Variants in MB21D2 observed in about 807,000 individuals in gnomAD.
MB21D2 encodes the protein nucleotidyltransferase MB21D2.
A neutral mutation model predicts 33.3 loss-of-function variants in MB21D2; 9 were observed. That is an observed-to-expected ratio of 0.27 (90% CI 0.16 to 0.47). The LOEUF is 0.47. Among genes scored for constraint, MB21D2 ranks in the 20% least tolerant of loss-of-function variants. The pLI is 0.99. For missense variants in MB21D2, 540 were observed against 624.6 expected, an observed-to-expected ratio of 0.86 and a Z score of 1.44; for synonymous variants, 241 against 236.3, an observed-to-expected ratio of 1.02 and a Z score of -0.18.
chr3:192,893,926 C>A (rs1713910241), intron 1 of MB21D2, among the ~76,000 whole-genome samples: 1 of 152,112 alleles, frequency 6.6e-6, no homozygotes, highest in South Asian at 2.1e-4. Context: ...GTCCCAGCTA[C>A]TGTGGAGGCT....
At chr3:192,814,667 C>G (rs1174921137) in intron 1 of MB21D2, among the ~76,000 whole-genome samples, 1 of 151,876 alleles carries the variant, frequency 6.6e-6, no homozygotes, top group African/African-American at 2.4e-5. Context: ...TCGAGACCAT[C>G]CTGGCTAACA....
intron 1 of MB21D2, among the ~76,000 whole-genome samples, chr3:192,859,871 T>A (rs1396507077): frequency 2.0e-5 from 3 of 152,042 alleles, no homozygotes; most frequent in African/African-American, 7.2e-5. Flanking sequence ...CTGACCAACA[T>A]GGAGAAAGTG....
At chr3:192,867,792 C>G (rs1713201334) in intron 1 of MB21D2, among the ~76,000 whole-genome samples, 1 of 152,122 alleles carries the variant, frequency 6.6e-6, no homozygotes. Flanking sequence ...CAGCGTCAGG[C>G]CTTAAGAAAC....
In MB21D2 at chr3:192,838,604, A is replaced by G. The variant is rs143808626; in HGVS notation, c.212-38954T>C. ...CCGCCACACCCAGCTACTTTTTTGT[A>G]TTTTTAATAGAGATGGGGTTTCACC... On this transcript the variant is annotated intron_variant, in intron 1 of 1. Transcript: ENST00000392452. Among the ~76,000 whole-genome samples the G allele has an allele frequency of 5.9e-3, 901 of 151,636 alleles. 3 individuals carry two copies. Among genetic ancestry groups the G allele is most frequent in the Admixed American group, 0.013 (199 of 15,248 alleles).
At chr3:192,895,809 T>C (rs1713958974) in intron 1 of MB21D2, among the ~76,000 whole-genome samples, 1 of 152,166 alleles carries the variant, frequency 6.6e-6, no homozygotes, top group African/African-American at 2.4e-5. Context: ...CCTGGCTCAT[T>C]GCAACCTCTG....
At chr3:192,840,414 T>TA in intron 1 of MB21D2, among the ~76,000 whole-genome samples, 1 of 119,444 alleles carries the variant, frequency 8.4e-6, no homozygotes, top group Non-Finnish European at 1.7e-5. Flanking sequence ...TTCTCTTTTT[T>TA]CTTTTTTTTT....
intron 1 of MB21D2, among the ~76,000 whole-genome samples, chr3:192,858,132 CA>C (rs1310912053): frequency 6.6e-6 from 1 of 151,954 alleles, no homozygotes; most frequent in Non-Finnish European, 1.5e-5. Flanking sequence ...TCTCAAAAAA[CA>C]AAACAAAACA....
chr3:192,884,189 T>C (rs1292283709), intron 1 of MB21D2, among the ~76,000 whole-genome samples: 1 of 152,112 alleles, frequency 6.6e-6, no homozygotes, highest in African/African-American at 2.4e-5. Context: ...TTCCTGCATT[T>C]CCTTCATTAC....
intron 1 of MB21D2, among the ~76,000 whole-genome samples, chr3:192,807,683 G>C (rs754974534): frequency 5.3e-5 from 8 of 152,148 alleles, no homozygotes; most frequent in Non-Finnish European, 1.2e-4. Flanking sequence ...ATTGCAACAA[G>C]GATAAAGACA....
chr3:192,806,346 G>A lies in MB21D2; in HGVS notation c.212-6696C>T, dbSNP rs111997308. On this transcript the variant is annotated intron_variant, in intron 1 of 1. Coordinates refer to ENST00000392452, the MANE Select transcript of MB21D2 (RefSeq NM_178496.4). Reference sequence around the variant, plus strand: ...ATACTCAAGTCCCATAGCTGACCTTGTGGAATCCACTTACACAACAAGTTG... The same window carrying A: ...ATACTCAAGTCCCATAGCTGACCTTATGGAATCCACTTACACAACAAGTTG... 3.9e-3 allele frequency among the ~76,000 whole-genome samples: 600 copies of A among 152,318 alleles called. 2 individuals are homozygous for A. The highest frequency in any genetic ancestry group is 0.013 in the African/African-American group (543 of 41,572).
At chr3:192,806,642 A>G (rs1431845939) in intron 1 of MB21D2, among the ~76,000 whole-genome samples, 1 of 152,184 alleles carries the variant, frequency 6.6e-6, no homozygotes, top group Non-Finnish European at 1.5e-5. Flanking sequence ...CTTTTTATGT[A>G]TACCATTTCT....
chr3:192,897,698 T>C (rs1239012394), intron 1 of MB21D2, among the ~76,000 whole-genome samples: 1 of 151,796 alleles, frequency 6.6e-6, no homozygotes, highest in East Asian at 1.9e-4. Context: ...GTATGTAAAA[T>C]AAAAAACCAA....
intron 1 of MB21D2, among the ~76,000 whole-genome samples, chr3:192,901,335 C>A (rs964367462): frequency 3.5e-5 from 5 of 143,056 alleles, no homozygotes; most frequent in African/African-American, 1.3e-4. Context: ...TTTGGGAGGC[C>A]GAGGCGGGCA....
intron 1 of MB21D2, among the ~76,000 whole-genome samples, chr3:192,911,115 A>G (rs1285206489): frequency 6.6e-6 from 1 of 152,100 alleles, no homozygotes; most frequent in Non-Finnish European, 1.5e-5. Flanking sequence ...AGTGCAGAAT[A>G]TTGTCCTTGT....
At chr3:192,876,801 C>A (rs1713438693) in intron 1 of MB21D2, among the ~76,000 whole-genome samples, 1 of 152,190 alleles carries the variant, frequency 6.6e-6, no homozygotes, top group Non-Finnish European at 1.5e-5. Flanking sequence ...CCCTTTTGGT[C>A]TGGCTACCTC....
intron 1 of MB21D2, among the ~76,000 whole-genome samples, chr3:192,818,245 G>A (rs1711969217): frequency 6.6e-6 from 1 of 152,090 alleles, no homozygotes; most frequent in Admixed American, 6.5e-5. Context: ...GCATCCCCCT[G>A]TGTTCTGTGT....
intron 1 of MB21D2, among the ~76,000 whole-genome samples, chr3:192,857,136 A>G (rs1440207714): frequency 1.1e-4 from 17 of 152,228 alleles, no homozygotes; most frequent in Admixed American, 9.8e-4. Context: ...TAAATAGATT[A>G]AGAAACCCAG....
intron 1 of MB21D2, among the ~76,000 whole-genome samples, chr3:192,840,055 T>C (rs766915743): frequency 6.6e-6 from 1 of 152,122 alleles, no homozygotes; most frequent in Admixed American, 6.5e-5. Flanking sequence ...CCTCCAACCA[T>C]TGGTGGGTAG....
rs1720588936 is a variant in MB21D2, at chr3:192,799,124, T to C, written c.738A>G (p.Ala246=). Residue 246 remains alanine, a synonymous_variant, in exon 2 of 2, where the codon GCA becomes GCG. Coordinates refer to ENST00000392452, the MANE Select transcript of MB21D2 (RefSeq NM_178496.4). The surrounding 1 kb of genome is among the most constrained non-coding windows in gnomAD (Gnocchi z 4.1). ...TCTCCATGAGCCAGCTCTGGGCCAC[T>C]GCAGGCCAACCTTTGAAAGATACCA... ...VPVVSFKGWP[A]VAQSWLMENH... 1 of 1,614,206 alleles carries C rather than the reference T, an allele frequency of 6.2e-7. No individual in the cohort carries two copies. Among genetic ancestry groups the C allele is most frequent in the Non-Finnish European group, 8.5e-7 (1 of 1,180,010 alleles).
Sources: allele counts gnomAD v4.1 joint callset (sites outside exome capture counted in the v4.1 genomes callset), GRCh38; gene constraint gnomAD v4.1.1; non-coding constraint Gnocchi (gnomAD v3.1); transcripts MANE v1.5; gene names NCBI Gene and HGNC (gene_info 2026-07-23, HGNC 2026-07-21).